The following TRIO variants were observed in gnomAD, a reference collection of about 807,000 sequenced individuals.
TRIO encodes the protein triple functional domain protein.
In TRIO, 58 loss-of-function variants were observed where a neutral mutation model predicts 351.9. The ratio of observed to expected loss-of-function variants is 0.16; its 90% confidence interval spans 0.13 to 0.21. The LOEUF (loss-of-function observed/expected upper bound fraction) is 0.21. Ranked by LOEUF, TRIO falls within the 10% of genes least tolerant of loss-of-function variation. TRIO has a pLI of 1.00. For missense variants in TRIO, 3,201 were observed against 4,027.8 expected, an observed-to-expected ratio of 0.79 and a Z score of 5.56; for synonymous variants, 1,758 against 1,595.7, an observed-to-expected ratio of 1.10 and a Z score of -2.42.
intron 1 of TRIO, among the ~76,000 whole-genome samples, chr5:14,259,515 A>G (rs1214214268): frequency 6.6e-6 from 1 of 152,216 alleles, no homozygotes; most frequent in Admixed American, 6.5e-5. Context: ...GGTAAATAAT[A>G]GGGGCCTATC....
At position 14,336,439 on chromosome 5, in the gene TRIO, AT is replaced by A. The variant is rs1741426887; in HGVS notation, c.1855-96del. The A allele has an allele frequency of 2.4e-6, 3 of 1,266,736 alleles. No homozygotes were observed. The African/African-American group carries it at 4.5e-5, about 19-fold the overall frequency. The allele number at this position is 1,266,736 out of a possible 1,614,324, so 78.5% of individuals were successfully genotyped here. ...TTGATTCATGTAAGTGATCAAAAAT[AT>A]CACAAATTGACTGTGTTGCTATATA... is the stretch of plus-strand genomic sequence containing the variant. On this transcript the variant is annotated intron_variant, in intron 10 of 56. Transcript: ENST00000344204.
chr5:14,275,860 A>G lies in TRIO; in HGVS notation c.233-4462A>G, dbSNP rs540175303. Among the ~76,000 whole-genome samples the G allele has an allele frequency of 8.7e-4, 89 of 102,262 alleles. 3 individuals carry two copies. In the South Asian group the frequency reaches 0.023, roughly 26 times the overall value. The allele number at this position is 102,262 out of a possible 152,430, so 67.1% of individuals were successfully genotyped here. A position where few individuals can be genotyped will look rare whatever the true frequency, so the allele number is the denominator to read the frequency against. On this transcript the variant is annotated intron_variant, in intron 2 of 56. Transcript: ENST00000344204. Reference sequence around the variant, plus strand: ...CAGAGTAAAACACAACTCTGTCTCTATGTGTGTATATATATATATATATGT... The same window carrying G: ...CAGAGTAAAACACAACTCTGTCTCTGTGTGTGTATATATATATATATATGT...
At chr5:14,318,721 C>A (rs915475723) in intron 9 of TRIO, among the ~76,000 whole-genome samples, 1 of 152,170 alleles carries the variant, frequency 6.6e-6, no homozygotes, top group Non-Finnish European at 1.5e-5. Flanking sequence ...GGAATGAAAT[C>A]ATGAATAATC....
intron 1 of TRIO, among the ~76,000 whole-genome samples, chr5:14,210,126 G>A (rs762365305): frequency 6.6e-6 from 1 of 152,224 alleles, no homozygotes; most frequent in Non-Finnish European, 1.5e-5. Context: ...GGAGTCAGAT[G>A]GAGGAGCGGT....
intron 21 of TRIO, among the ~76,000 whole-genome samples, chr5:14,387,122 T>A (rs1746613340): frequency 6.6e-6 from 1 of 152,260 alleles, no homozygotes; most frequent in South Asian, 2.1e-4. Flanking sequence ...GACCGCGTTC[T>A]TCGCATACAT....
At position 14,487,817 on chromosome 5, in the gene TRIO, G is replaced by A. The variant is rs1273280153; in HGVS notation, c.7189G>A (p.Ala2397Thr). The change falls in exon 48 of 57, where the codon GCG (alanine) becomes ACG (threonine). Residue 2397 changes from alanine to threonine, a missense_variant. Coordinates refer to ENST00000344204, the MANE Select transcript of TRIO (RefSeq NM_007118.4). ...CGCGCCCAGCAGGCGGCCCCCCGGC[G>A]CGGACGCCGAGGGGTCCGAGCGAGA... ...PSAPSRRPPG[A>T]DAEGSEREAE... 3 of 1,465,804 alleles carry A rather than the reference G, an allele frequency of 2.0e-6. No individual in the cohort carries two copies. Among genetic ancestry groups the A allele is most frequent in the Non-Finnish European group, 1.8e-6 (2 of 1,107,920 alleles). The allele number at this position is 1,465,804 out of a possible 1,614,324, so 90.8% of individuals were successfully genotyped here.
At position 14,359,464 on chromosome 5, in the gene TRIO, T is replaced by C. The variant is rs749466286; in HGVS notation, c.2324T>C (p.Phe775Ser). The C allele has an allele frequency of 6.2e-7, 1 of 1,614,274 alleles. No homozygotes were observed. The highest frequency in any genetic ancestry group is 1.1e-5 in the South Asian group (1 of 91,086). The change falls in exon 13 of 57, where the codon TTC becomes TCC. Residue 775 changes from phenylalanine (F) to serine (S), a missense_variant. By Grantham distance (155) the Phe-to-Ser change is radical. Around this residue, in one of 19 missense-constraint regions of TRIO, gnomAD observed 363 missense variants for 553.5 expected, o/e 0.66. Coordinates refer to ENST00000344204, the MANE Select transcript of TRIO (RefSeq NM_007118.4). ...GCGCAGTCGCAGATGGAGGAGCTCT[T>C]CCAGGAGCGCAAGATCAAGCTGGAG... ...DEAQSQMEEL[F>S]QERKIKLELF...
chr5:14,267,704 A>G (rs1795764514), intron 1 of TRIO, among the ~76,000 whole-genome samples: 1 of 152,120 alleles, frequency 6.6e-6, no homozygotes, highest in Non-Finnish European at 1.5e-5. Flanking sequence ...TGAAAGTTAC[A>G]TATGATATAT....
chr5:14,435,022 CAG>C (rs1751469175), intron 34 of TRIO, among the ~76,000 whole-genome samples: 2 of 152,232 alleles, frequency 1.3e-5, no homozygotes, highest in Admixed American at 6.5e-5. Context: ...TGCATCACGT[CAG>C]GGGTACAGGG....
intron 33 of TRIO, among the ~76,000 whole-genome samples, chr5:14,410,019 T>C (rs1165577756): frequency 2.0e-5 from 3 of 152,120 alleles, no homozygotes; most frequent in Non-Finnish European, 4.4e-5. Context: ...CTCAGTTTCT[T>C]AAACAGACCT....
At chr5:14,383,853 C>T (rs1010290312) in intron 21 of TRIO, among the ~76,000 whole-genome samples, 11 of 152,160 alleles carry the variant, frequency 7.2e-5, no homozygotes, top group African/African-American at 2.2e-4. Context: ...TTAGAATCTT[C>T]TAAGAAACCA....
In TRIO at chr5:14,509,201, G is replaced by C. The variant is rs1757926551; in HGVS notation, c.*779G>C. 1 of 333,402 alleles carries C rather than the reference G, an allele frequency of 3.0e-6. No homozygotes were observed. Among genetic ancestry groups the C allele is most frequent in the Admixed American group, 4.6e-5 (1 of 21,816 alleles). The allele number at this position is 333,402 out of a possible 1,614,324, so 20.7% of individuals were successfully genotyped here. ...AAGCCGTCAATCAGATTGTGGAGCA[G>C]TACACAGTCAGATGAAAATACTGTA... On this transcript the variant is annotated 3_prime_UTR_variant, in exon 57 of 57. Coordinates refer to ENST00000344204, the MANE Select transcript of TRIO (RefSeq NM_007118.4).
chr5:14,404,487 T>C (rs11950000), intron 31 of TRIO, among the ~76,000 whole-genome samples: 15,499 of 152,214 alleles, frequency 0.1, 1,246 homozygotes, highest in African/African-American at 0.23. Flanking sequence ...CTGAACCATA[T>C]TAACAGTTTT....
chr5:14,434,300 T>C (rs1751412623), intron 34 of TRIO, among the ~76,000 whole-genome samples: 1 of 152,228 alleles, frequency 6.6e-6, no homozygotes, highest in Non-Finnish European at 1.5e-5. Flanking sequence ...AAATACATTT[T>C]GTATTGTGTT....
At chr5:14,369,712 G>A (rs979018954) in intron 18 of TRIO, among the ~76,000 whole-genome samples, 189 bp downstream of exon 18, 4 of 152,244 alleles carry the variant, frequency 2.6e-5, no homozygotes, top group Non-Finnish European at 5.9e-5. Context: ...TTTCATGTGC[G>A]ATTGCCTTGT....
chr5:14,203,503 A>G (rs961184154), intron 1 of TRIO, among the ~76,000 whole-genome samples: 1 of 152,236 alleles, frequency 6.6e-6, no homozygotes, highest in Non-Finnish European at 1.5e-5. Flanking sequence ...CTGGTTTTGT[A>G]CTTAATAATG....
chr5:14,489,094 G>A lies in TRIO; in HGVS notation c.7632+834G>A, dbSNP rs755297637. Reference sequence around the variant, plus strand: ...CGTGAGTGAATAGAACTGTTCTAATGAGTGTATGTTTGAACGCTTTATAAA... The same window carrying A: ...CGTGAGTGAATAGAACTGTTCTAATAAGTGTATGTTTGAACGCTTTATAAA... On this transcript the variant is annotated intron_variant, in intron 48 of 56. Transcript: ENST00000344204. The A allele has an allele frequency of 5.2e-6, 4 of 764,346 alleles. No homozygotes were observed. In the South Asian group the frequency reaches 5.4e-5, roughly 10 times the overall value. 47.3% of individuals were successfully genotyped at this position (764,346 alleles called of 1,614,324 possible).
chr5:14,403,655 A>G (rs1176994068), intron 31 of TRIO, among the ~76,000 whole-genome samples: 3 of 57,770 alleles, frequency 5.2e-5, no homozygotes, highest in Non-Finnish European at 1.0e-4. Flanking sequence ...GGTGGTGGTG[A>G]GGGTGCAGGT....
chr5:14,388,251 G>C (rs933127676), intron 23 of TRIO, among the ~76,000 whole-genome samples: 1 of 152,130 alleles, frequency 6.6e-6, no homozygotes, highest in African/African-American at 2.4e-5. Flanking sequence ...CCAATGTGAG[G>C]GGACACTTTG....
Sources: gnomAD v4.1 joint callset for allele counts (sites outside exome capture counted in the v4.1 genomes callset) on GRCh38, gnomAD v4.1.1 for gene constraint, gnomAD v4.1.1 regional missense constraint, MANE v1.5 for transcripts, NCBI Gene and HGNC (gene_info 2026-07-23, HGNC 2026-07-21) for gene names.